The following SOX6 variants were observed in gnomAD, a reference collection of about 807,000 sequenced individuals.
SOX6 encodes transcription factor SOX-6.
A neutral mutation model predicts 97.8 loss-of-function variants in SOX6; 11 were observed. That is an observed-to-expected ratio of 0.11 (90% CI 0.07 to 0.19). The LOEUF is 0.19. Among genes scored for constraint, SOX6 ranks in the 10% least tolerant of loss-of-function variants. The probability of loss-of-function intolerance (pLI) is 1.00; values close to 1 mark genes in which losing one functional copy is unlikely to be tolerated. For synonymous variants in SOX6, 360 were observed against 371.4 expected (o/e 0.97, Z 0.35); for missense variants, 810 against 1,039.5 (o/e 0.78, Z 3.04).
At chr11:16,048,719 A>G (rs1301943243) in intron 11 of SOX6, among the ~76,000 whole-genome samples, 1 of 152,196 alleles carries the variant, frequency 6.6e-6, no homozygotes, top group Non-Finnish European at 1.5e-5. Context: ...TAAGCATTTT[A>G]GACTTCAGGA....
intron 10 of SOX6, among the ~76,000 whole-genome samples, chr11:16,054,427 T>G (rs915488014): frequency 2.0e-5 from 3 of 152,146 alleles, no homozygotes; most frequent in Admixed American, 6.5e-5. Context: ...TCTCAATATT[T>G]CTAACAGCAG....
intron 13 of SOX6, among the ~76,000 whole-genome samples, chr11:16,006,281 G>C (rs1854553103): frequency 6.6e-6 from 1 of 151,992 alleles, no homozygotes; most frequent in South Asian, 2.1e-4. Flanking sequence ...AACCTCTCTA[G>C]TCTAAATCAG....
At chr11:16,543,912 C>T (rs928351025) in intron 4 of SOX6, among the ~76,000 whole-genome samples, 10 of 152,136 alleles carry the variant, frequency 6.6e-5, no homozygotes, top group African/African-American at 2.4e-4. Context: ...GTTGTTCAAC[C>T]ATAAACATAT....
intron 3 of SOX6, among the ~76,000 whole-genome samples, chr11:16,262,829 C>T (rs550158577): frequency 6.6e-6 from 1 of 152,072 alleles, no homozygotes; most frequent in Non-Finnish European, 1.5e-5. Flanking sequence ...TTAGGTCTTT[C>T]CTGAGTTTGA....
chr11:16,290,909 A>G (rs1854891296), intron 3 of SOX6, among the ~76,000 whole-genome samples: 1 of 152,034 alleles, frequency 6.6e-6, no homozygotes. Flanking sequence ...GTTCATATGC[A>G]TGGGTGAAGT....
chr11:16,616,054 A>C (rs1039861124), intron 3 of SOX6, among the ~76,000 whole-genome samples: 1 of 152,170 alleles, frequency 6.6e-6, no homozygotes, highest in African/African-American at 2.4e-5. Context: ...TCTTTTCACC[A>C]TCAAGTAATG....
At position 16,222,078 on chromosome 11, in the gene SOX6, C is replaced by G. The variant is rs574569626; in HGVS notation, c.535+12504G>C. Among the ~76,000 whole-genome samples the G allele has an allele frequency of 1.4e-3, 208 of 152,172 alleles. 1 individual carries two copies. The highest frequency in any genetic ancestry group is 2.1e-3 in the Non-Finnish European group (141 of 67,998). ...TATCAAAATGAGGTCAGATTGCCTTCATACACTTCAATCAAAAATTTATCA... is the reference window on the plus strand; with the variant it reads ...TATCAAAATGAGGTCAGATTGCCTTGATACACTTCAATCAAAAATTTATCA... On this transcript the variant is annotated intron_variant, in intron 4 of 15. Coordinates refer to ENST00000683767, the MANE Select transcript of SOX6 (RefSeq NM_001367873.1).
intron 3 of SOX6, among the ~76,000 whole-genome samples, chr11:16,238,451 C>T (rs1446608848): frequency 6.6e-6 from 1 of 151,868 alleles, no homozygotes. Flanking sequence ...GTAATGTTTT[C>T]GCTAATTAAC....
rs145171745 is a variant in SOX6 at position 16,054,228 on chromosome 11, T to G, written c.1251+1524A>C. On this transcript the variant is annotated intron_variant, in intron 10 of 15. Transcript: ENST00000683767. ...TACTTATAAAATGACTTATTTATGTTAAAATATTTAATACTCAATAGCTCA... is the reference window on the plus strand; with the variant it reads ...TACTTATAAAATGACTTATTTATGTGAAAATATTTAATACTCAATAGCTCA... Among the ~76,000 whole-genome samples, 147 of 152,260 alleles carry G rather than the reference T, an allele frequency of 9.7e-4. 4 individuals are homozygous for G. In the East Asian group the frequency reaches 0.025, roughly 26 times the overall value.
At chr11:16,447,398 AT>A (rs1291464487) in intron 1 of SOX6, among the ~76,000 whole-genome samples, 8 of 152,026 alleles carry the variant, frequency 5.3e-5, no homozygotes, top group Non-Finnish European at 8.8e-5. Flanking sequence ...TTACAGGGTA[AT>A]TATGAGGATT....
Position 15,972,584 on chromosome 11 carries a change from A to T in SOX6, c.*225T>A. The T allele has an allele frequency of 1.7e-6, 1 of 573,764 alleles. No homozygotes were observed. Among genetic ancestry groups the T allele is most frequent in the Non-Finnish European group, 3.1e-6 (1 of 322,872 alleles). 35.5% of individuals were successfully genotyped at this position (573,764 alleles called of 1,614,324 possible). ...GGTGTCTCATATTTAATATGTCTTC[A>T]CCTAAATTAAAAAAACAACAACAAC... On this transcript the variant is annotated 3_prime_UTR_variant, in exon 16 of 16. Coordinates refer to ENST00000683767, the MANE Select transcript of SOX6 (RefSeq NM_001367873.1).
At chr11:16,034,121 C>T (rs1256359360) in intron 12 of SOX6, among the ~76,000 whole-genome samples, 1 of 152,108 alleles carries the variant, frequency 6.6e-6, no homozygotes, top group Non-Finnish European at 1.5e-5. Flanking sequence ...TTAATCTCAA[C>T]ATAGGCAAGA....
chr11:16,052,763 T>G (rs1259025699), intron 10 of SOX6, among the ~76,000 whole-genome samples: 1 of 152,174 alleles, frequency 6.6e-6, no homozygotes, highest in Non-Finnish European at 1.5e-5. Context: ...CTAGACTTAC[T>G]TCTAAGCATT....
At chr11:16,397,799 A>G (rs1379324452) in intron 1 of SOX6, among the ~76,000 whole-genome samples, 1 of 151,630 alleles carries the variant, frequency 6.6e-6, no homozygotes, top group Non-Finnish European at 1.5e-5. Flanking sequence ...TTCAGGTGCT[A>G]AAACACAAGA....
intron 3 of SOX6, among the ~76,000 whole-genome samples, chr11:16,652,675 G>A (rs564362470): frequency 3.9e-5 from 6 of 152,098 alleles, no homozygotes; most frequent in Non-Finnish European, 8.8e-5. Flanking sequence ...AGATAACATT[G>A]GTAAAACTCT....
intron 3 of SOX6, among the ~76,000 whole-genome samples, chr11:16,253,188 A>T (rs1269363057): frequency 6.6e-6 from 1 of 152,076 alleles, no homozygotes; most frequent in East Asian, 1.9e-4. Flanking sequence ...TCTCTACTAA[A>T]TATACAAAAA....
chr11:16,617,205 T>C (rs142860845), intron 3 of SOX6, among the ~76,000 whole-genome samples: 85 of 151,980 alleles, frequency 5.6e-4, no homozygotes, highest in African/African-American at 2.0e-3. Flanking sequence ...GAACATATTA[T>C]GTTTAAAATG....
At chr11:16,577,990 G>A (rs1847998317) in intron 4 of SOX6, among the ~76,000 whole-genome samples, 1 of 151,898 alleles carries the variant, frequency 6.6e-6, no homozygotes, top group African/African-American at 2.4e-5. Context: ...AGAAACTATT[G>A]CCTATCCAAG....
intron 6 of SOX6, among the ~76,000 whole-genome samples, chr11:16,123,917 C>T (rs932099808): frequency 2.6e-5 from 4 of 152,084 alleles, no homozygotes; most frequent in African/African-American, 9.7e-5. Context: ...TCTTAACATA[C>T]CCCTGACTCC....
Sources: allele counts gnomAD v4.1 joint callset (sites outside exome capture counted in the v4.1 genomes callset), GRCh38; gene constraint gnomAD v4.1.1; transcripts MANE v1.5; gene names NCBI Gene and HGNC (gene_info 2026-07-23, HGNC 2026-07-21).